The following SNTG1 variants were observed in gnomAD, a reference collection of about 807,000 sequenced individuals.
The protein encoded by SNTG1 is gamma-1-syntrophin.
In SNTG1, 39 loss-of-function variants were observed where a neutral mutation model predicts 74.7. That is an observed-to-expected ratio of 0.52 (90% CI 0.40 to 0.68). The LOEUF (loss-of-function observed/expected upper bound fraction) is 0.68, where lower values mean the gene tolerates loss of function less well. Ranked by LOEUF, SNTG1 falls within the 30% of genes least tolerant of loss-of-function variation. The pLI is 0.00. For missense variants in SNTG1, 685 were observed against 609.5 expected (o/e 1.12, Z -1.30); for synonymous variants, 254 against 217.1 (o/e 1.17, Z -1.49).
At chr8:50,411,013 A>G (rs1212021574) in intron 4 of SNTG1, among the ~76,000 whole-genome samples, 1 of 152,216 alleles carries the variant, frequency 6.6e-6, no homozygotes, top group Non-Finnish European at 1.5e-5. Context: ...ACTAACATTG[A>G]TAAAGAAGCT....
At chr8:50,758,497 A>C (rs2095587547) in intron 18 of SNTG1, among the ~76,000 whole-genome samples, 1 of 151,722 alleles carries the variant, frequency 6.6e-6, no homozygotes, top group African/African-American at 2.4e-5. Flanking sequence ...GACAAGCTCC[A>C]GTGTGTGTTG....
At chr8:50,100,832 A>G (rs1349123636) in intron 1 of SNTG1, among the ~76,000 whole-genome samples, 1 of 152,070 alleles carries the variant, frequency 6.6e-6, no homozygotes, top group Non-Finnish European at 1.5e-5. Flanking sequence ...TTTGTTTTAT[A>G]GGTAAATTGT....
At chr8:50,689,919 T>A (rs978287842) in intron 15 of SNTG1, among the ~76,000 whole-genome samples, 2 of 152,214 alleles carry the variant, frequency 1.3e-5, no homozygotes, top group African/African-American at 2.4e-5. Context: ...ATTGCGTCAA[T>A]TTCAGAGCCT....
In SNTG1 at chr8:50,716,274, AT is replaced by A. The variant is rs1287269127; in HGVS notation, c.1284+7298del. Among the ~76,000 whole-genome samples, 4 of 152,250 alleles carry A rather than the reference AT, an allele frequency of 2.6e-5. 1 individual carries two copies. Among genetic ancestry groups the A allele is most frequent in the South Asian group, 2.1e-4 (1 of 4,830 alleles). On this transcript the variant is annotated intron_variant, in intron 17 of 18. Coordinates refer to ENST00000642720, the MANE Select transcript of SNTG1 (RefSeq NM_018967.5). ...CACATCAAAGACAGTTACTAAAAATATTAAAAAAATTGAAACATCAAAATGA... is the reference window on the plus strand; with the variant it reads ...CACATCAAAGACAGTTACTAAAAATATAAAAAAATTGAAACATCAAAATGA...
At chr8:49,936,912 G>A (rs1240501002) in intron 1 of SNTG1, among the ~76,000 whole-genome samples, 1 of 152,204 alleles carries the variant, frequency 6.6e-6, no homozygotes, top group East Asian at 1.9e-4. Context: ...ACTTTGGGAG[G>A]CCGAGGTGGG....
At chr8:50,561,910 T>G (rs2094490488) in intron 12 of SNTG1, among the ~76,000 whole-genome samples, 1 of 152,196 alleles carries the variant, frequency 6.6e-6, no homozygotes, top group African/African-American at 2.4e-5. Context: ...ATTATCTGTC[T>G]TCTATAACCT....
intron 1 of SNTG1, among the ~76,000 whole-genome samples, chr8:50,064,354 G>A (rs1820725695): frequency 6.6e-6 from 1 of 152,054 alleles, no homozygotes; most frequent in African/African-American, 2.4e-5. Context: ...CCAGCAGAAA[G>A]CTCTTCATTC....
At chr8:49,933,926 T>C (rs1807816706) in intron 1 of SNTG1, among the ~76,000 whole-genome samples, 1 of 152,172 alleles carries the variant, frequency 6.6e-6, no homozygotes, top group Non-Finnish European at 1.5e-5. Context: ...AGGAATAACG[T>C]GGGAAAGGGA....
chr8:50,444,987 G>A (rs181856018), intron 5 of SNTG1, among the ~76,000 whole-genome samples: 16 of 151,996 alleles, frequency 1.1e-4, no homozygotes, highest in South Asian at 2.1e-4. Context: ...CAAGTATCAC[G>A]GCAGTCAATT....
intron 2 of SNTG1, among the ~76,000 whole-genome samples, chr8:50,181,400 T>C (rs887271199): frequency 3.9e-5 from 6 of 152,164 alleles, no homozygotes; most frequent in African/African-American, 1.4e-4. Context: ...CCTTCTTGCC[T>C]TTCCAAAAAC....
chr8:50,283,546 C>T (rs1283058541), intron 2 of SNTG1, among the ~76,000 whole-genome samples: 1 of 152,112 alleles, frequency 6.6e-6, no homozygotes, highest in African/African-American at 2.4e-5. Flanking sequence ...TGTAAATTCA[C>T]ATTTTATTTT....
chr8:50,648,485 G>A (rs1277496392), intron 13 of SNTG1, among the ~76,000 whole-genome samples: 1 of 151,982 alleles, frequency 6.6e-6, no homozygotes, highest in East Asian at 1.9e-4. Context: ...TGACTTAATT[G>A]AGAAATAATG....
At chr8:50,318,880 T>C (rs2130798727) in intron 2 of SNTG1, among the ~76,000 whole-genome samples, 1 of 152,228 alleles carries the variant, frequency 6.6e-6, no homozygotes, top group African/African-American at 2.4e-5. Flanking sequence ...GTATTACATA[T>C]ATTTTCTATT....
chr8:50,755,879 G>A (rs2095579118), intron 18 of SNTG1, among the ~76,000 whole-genome samples: 2 of 151,744 alleles, frequency 1.3e-5, no homozygotes, highest in South Asian at 2.1e-4. Context: ...ATTTTCATAT[G>A]CTAATTTTCA....
Position 50,518,246 on chromosome 8 carries a change from C to A in SNTG1, c.467-11931C>A, listed in dbSNP as rs182376426. ...AAATTAAGGCAGAAATAAATAAGTT[C>A]TTTGAAACCAATGAGAACAAAGACA... On this transcript the variant is annotated intron_variant, in intron 9 of 18. Coordinates refer to ENST00000642720, the MANE Select transcript of SNTG1 (RefSeq NM_018967.5). Among the ~76,000 whole-genome samples, 68 of 152,234 alleles carry A rather than the reference C, an allele frequency of 4.5e-4. No homozygotes were observed. In the Middle Eastern group the frequency reaches 0.017, roughly 38 times the overall value.
chr8:50,438,870 A>T (rs748702507), intron 5 of SNTG1, among the ~76,000 whole-genome samples: 15 of 152,200 alleles, frequency 9.9e-5, no homozygotes, highest in Admixed American at 2.6e-4. Context: ...TGAAATGTTA[A>T]ATATGATGTC....
At chr8:50,758,903 T>C (rs2131728577) in intron 18 of SNTG1, among the ~76,000 whole-genome samples, 1 of 152,218 alleles carries the variant, frequency 6.6e-6, no homozygotes, top group East Asian at 1.9e-4. Flanking sequence ...CCACTCTGTC[T>C]TCCAAAATGT....
At chr8:50,395,210 A>G (rs4349993) in intron 3 of SNTG1, among the ~76,000 whole-genome samples, 140,490 of 152,214 alleles carry the variant, frequency 0.92, 65,425 homozygotes, top group Non-Finnish European at 1. Context: ...AGTTCAGAAT[A>G]TAAATATAAG....
chr8:50,319,544 T>G (rs770497369), intron 2 of SNTG1, among the ~76,000 whole-genome samples: 180 of 152,166 alleles, frequency 1.2e-3, no homozygotes, highest in Non-Finnish European at 1.6e-3. Context: ...CCTTTTCAAT[T>G]TGTATGGCCT....
Sources: allele counts gnomAD v4.1 joint callset (sites outside exome capture counted in the v4.1 genomes callset), GRCh38; gene constraint gnomAD v4.1.1; transcripts MANE v1.5; gene names NCBI Gene and HGNC (gene_info 2026-07-23, HGNC 2026-07-21).